The following FIRRM variants were observed in gnomAD, a reference collection of about 807,000 sequenced individuals.
FIRRM encodes FIGNL1-interacting regulator of recombination and mitosis.
At chr1:169,819,094 C>G in the FIRRM span, among the ~76,000 whole-genome samples, 2 of 152,288 alleles carry the variant, frequency 1.3e-5, no homozygotes, top group East Asian at 3.9e-4. Context: ...ACAGTTGGAA[C>G]GCAAAATAGA....
the FIRRM span, chr1:169,795,125 C>T: frequency 1.6e-5 from 24 of 1,536,064 alleles, no homozygotes; most frequent in African/African-American, 3.0e-4. Flanking sequence ...GGTGCGGTCC[C>T]AGCTAGCGCG....
the FIRRM span, among the ~76,000 whole-genome samples, chr1:169,839,805 G>A: frequency 5.9e-5 from 9 of 151,786 alleles, no homozygotes. Flanking sequence ...TCTCAAGGCT[G>A]ATGTCTAGAA....
At chr1:169,805,866 C>G in the FIRRM span, 2 of 626,676 alleles carry the variant, frequency 3.2e-6, no homozygotes, top group South Asian at 3.8e-5. Flanking sequence ...ATTCTTTTGA[C>G]ACAACTGTTT....
chr1:169,803,473 G>A, the FIRRM span, among the ~76,000 whole-genome samples: 16 of 152,074 alleles, frequency 1.1e-4, no homozygotes, highest in African/African-American at 3.9e-4. Context: ...CAAAAAAAGT[G>A]GTTTTAAGGA....
the FIRRM span, chr1:169,832,500 C>T: frequency 6.2e-7 from 1 of 1,610,772 alleles, no homozygotes; most frequent in South Asian, 1.1e-5. Context: ...TGGCACCACC[C>T]CATCAGGCAA....
At chr1:169,798,729 T>C in the FIRRM span, 1 of 332,472 alleles carries the variant, frequency 3.0e-6, no homozygotes, top group Non-Finnish European at 5.4e-6. Context: ...TTTAATGTGT[T>C]TTCACAATAC....
chr1:169,819,815 A>G, the FIRRM span, among the ~76,000 whole-genome samples: 1 of 152,322 alleles, frequency 6.6e-6, no homozygotes, highest in Non-Finnish European at 1.5e-5. Flanking sequence ...GGAGGGGAAG[A>G]GAATCAACAA....
the FIRRM span, among the ~76,000 whole-genome samples, chr1:169,848,540 A>C: frequency 6.6e-6 from 1 of 152,226 alleles, no homozygotes; most frequent in Non-Finnish European, 1.5e-5. Context: ...TTTGAAACCA[A>C]AAATTTAATT....
the FIRRM span, chr1:169,847,738 G>A: frequency 6.2e-7 from 1 of 1,613,614 alleles, no homozygotes; most frequent in South Asian, 1.1e-5. Flanking sequence ...TCCTGACTAT[G>A]TTCGTTTGGC....
the FIRRM span, among the ~76,000 whole-genome samples, chr1:169,821,321 G>A: frequency 1.3e-5 from 2 of 151,984 alleles, no homozygotes; most frequent in Non-Finnish European, 2.9e-5. Context: ...TGATTTGTAA[G>A]ACCTTTTTCT....
At chr1:169,825,669 GAATC>G in the FIRRM span, among the ~76,000 whole-genome samples, 1 of 152,144 alleles carries the variant, frequency 6.6e-6, no homozygotes, top group South Asian at 2.1e-4. Context: ...CAGTAACTCA[GAATC>G]AATGTCACAA....
At chr1:169,837,211 CT>C in the FIRRM span, 1 of 820,956 alleles carries the variant, frequency 1.2e-6, no homozygotes. Context: ...TGCACACACT[CT>C]CTGTTCTCTG....
the FIRRM span, among the ~76,000 whole-genome samples, chr1:169,826,804 C>T: frequency 2.0e-5 from 3 of 152,210 alleles, no homozygotes; most frequent in South Asian, 6.2e-4. Flanking sequence ...CTCAAAGCAA[C>T]AAAGATTTCT....
chr1:169,834,798 G>A, the FIRRM span, among the ~76,000 whole-genome samples: 3 of 151,950 alleles, frequency 2.0e-5, no homozygotes, highest in Non-Finnish European at 4.4e-5. Context: ...TGGAAACCAC[G>A]GCACTATCTC....
At chr1:169,792,650 G>A in the FIRRM span, 1 of 1,610,104 alleles carries the variant, frequency 6.2e-7, no homozygotes, top group Non-Finnish European at 8.5e-7. Context: ...GAGTATTCTG[G>A]TCTTAAAAAC....
chr1:169,793,418 T>C, the FIRRM span: 31 of 1,614,086 alleles, frequency 1.9e-5, no homozygotes, highest in African/African-American at 5.3e-5. Context: ...GGAGGGCTGT[T>C]TTCCATGTGG....
the FIRRM span, chr1:169,851,647 T>A: frequency 4.0e-6 from 3 of 749,400 alleles, no homozygotes; most frequent in Non-Finnish European, 6.4e-6. Flanking sequence ...AAGAACACAG[T>A]AGAGTGATTT....
chr1:169,843,687 C>T, the FIRRM span: 407 of 1,612,080 alleles, frequency 2.5e-4, 1 homozygote, highest in African/African-American at 4.8e-3. Context: ...GCAGATCAAC[C>T]TTATGTTCAA....
At chr1:169,847,601 C>A in the FIRRM span, 6 of 945,260 alleles carry the variant, frequency 6.3e-6, no homozygotes, top group South Asian at 8.0e-5. Context: ...TTCCCCTCCC[C>A]ACATTTCCAT....
Sources: allele counts gnomAD v4.1 joint callset (sites outside exome capture counted in the v4.1 genomes callset), GRCh38; gene constraint gnomAD v4.1.1; transcripts MANE v1.5; gene names NCBI Gene and HGNC (gene_info 2026-07-23, HGNC 2026-07-21).